The following PGM5 variants were observed in gnomAD, a reference collection of about 807,000 sequenced individuals.
PGM5 encodes the protein phosphoglucomutase-like protein 5.
PGM5 carries 23 observed loss-of-function variants against 59.2 expected under a neutral mutation model. The observed-to-expected ratio is 0.39, with a 90% CI of 0.28 to 0.55. The LOEUF is 0.55. PGM5 is among the 20% of genes least tolerant of loss of function. PGM5 has a pLI of 0.66. For missense variants in PGM5, 574 were observed against 748.3 expected (o/e 0.77, Z 2.72); for synonymous variants, 214 against 286.0 (o/e 0.75, Z 2.54).
intron 10 of PGM5, among the ~76,000 whole-genome samples, chr9:68,526,188 A>G (rs557514589): frequency 3.9e-5 from 6 of 152,342 alleles, no homozygotes; most frequent in Admixed American, 2.6e-4. Context: ...TACAAAATCT[A>G]AAGAAGTTCT....
intron 7 of PGM5, among the ~76,000 whole-genome samples, chr9:68,470,022 T>C (rs1823996236): frequency 6.6e-6 from 1 of 152,182 alleles, no homozygotes; most frequent in East Asian, 1.9e-4. Context: ...ATGTTATGAA[T>C]GATAACAAAA....
chr9:68,394,088 A>T (rs1427177038), intron 6 of PGM5: 2 of 152,070 alleles, frequency 1.3e-5, no homozygotes, highest in African/African-American at 4.8e-5. Context: ...AAATTATTAC[A>T]ATGTTACTGT....
chr9:68,453,346 G>C (rs559016850), intron 6 of PGM5, among the ~76,000 whole-genome samples: 5 of 152,080 alleles, frequency 3.3e-5, no homozygotes, highest in African/African-American at 1.2e-4. Flanking sequence ...TTTCTGGTTT[G>C]GTTTTGTTTT....
intron 10 of PGM5, among the ~76,000 whole-genome samples, chr9:68,509,004 G>A (rs1320136624): frequency 6.6e-6 from 1 of 152,244 alleles, no homozygotes; most frequent in Non-Finnish European, 1.5e-5. Flanking sequence ...CTGGACTAGT[G>A]TGTGCAATTA....
chr9:68,477,823 T>C (rs1037312547), intron 7 of PGM5, among the ~76,000 whole-genome samples: 6 of 152,222 alleles, frequency 3.9e-5, no homozygotes, highest in Admixed American at 2.0e-4. Context: ...GGGGCTGTTA[T>C]TGTCCATAGA....
chr9:68,360,835 A>G (rs1354464878), intron 1 of PGM5, among the ~76,000 whole-genome samples: 2 of 148,184 alleles, frequency 1.3e-5, no homozygotes, highest in African/African-American at 2.7e-5. Flanking sequence ...TAGTTACGAA[A>G]TCATCTTTTC....
intron 10 of PGM5, among the ~76,000 whole-genome samples, chr9:68,510,444 C>T (rs148917302): frequency 6.6e-6 from 1 of 152,242 alleles, no homozygotes; most frequent in African/African-American, 2.4e-5. Flanking sequence ...AGCCACCGTG[C>T]CTGGCCGAAA....
intron 6 of PGM5, 122 bp from the exon 7 acceptor site, chr9:68,464,971 A>G: frequency 1.7e-6 from 1 of 600,972 alleles, no homozygotes. Context: ...TGTCAACACT[A>G]CCCAGGTTGT....
chr9:68,435,993 G>A (rs532267602), intron 6 of PGM5, among the ~76,000 whole-genome samples: 2 of 152,260 alleles, frequency 1.3e-5, no homozygotes, highest in South Asian at 4.1e-4. Flanking sequence ...CATCTGGCAT[G>A]GTGCTGGATG....
chr9:68,478,172 T>C (rs1372616597), intron 7 of PGM5, among the ~76,000 whole-genome samples: 3 of 152,220 alleles, frequency 2.0e-5, no homozygotes, highest in South Asian at 2.1e-4. Flanking sequence ...AACAGACAGA[T>C]ACCCAAATGG....
intron 6 of PGM5, among the ~76,000 whole-genome samples, chr9:68,418,640 A>G (rs1823075830): frequency 6.6e-6 from 1 of 151,770 alleles, no homozygotes; most frequent in Admixed American, 6.5e-5. Context: ...GCTGTTTGGC[A>G]GGACGACTTG....
intron 6 of PGM5, among the ~76,000 whole-genome samples, chr9:68,463,686 C>T (rs1554685610): frequency 6.6e-6 from 1 of 152,108 alleles, no homozygotes; most frequent in Non-Finnish European, 1.5e-5. Context: ...AGTATATACA[C>T]CTTTGTTACT....
chr9:68,424,020 C>T (rs1401000568), intron 6 of PGM5, among the ~76,000 whole-genome samples: 1 of 152,136 alleles, frequency 6.6e-6, no homozygotes, highest in Non-Finnish European at 1.5e-5. Flanking sequence ...AGTCTGTGGC[C>T]AATTTTCTTC....
intron 6 of PGM5, among the ~76,000 whole-genome samples, chr9:68,422,106 A>C (rs1554682384): frequency 5.9e-5 from 9 of 152,058 alleles, no homozygotes; most frequent in Non-Finnish European, 5.9e-5. Flanking sequence ...TAAAAAAAAA[A>C]ATTTAGAAGC....
intron 6 of PGM5, among the ~76,000 whole-genome samples, chr9:68,446,905 T>A (rs1294066887): frequency 6.6e-6 from 1 of 152,210 alleles, no homozygotes; most frequent in Non-Finnish European, 1.5e-5. Context: ...TCCACTCTTT[T>A]GCTTCATAAA....
Position 68,448,153 on chromosome 9 carries a change from C to A in PGM5, c.1044-16940C>A, listed in dbSNP as rs114383675. 3.0e-4 allele frequency among the ~76,000 whole-genome samples: 46 copies of A among 152,298 alleles called. 1 individual carries two copies. In the South Asian group the frequency reaches 7.9e-3, roughly 26 times the overall value. ...GTAGCTTCTAATCCTAGACTCACTT[C>A]CTTCTTTGAAATCCACCTTTTTGAA... On this transcript the variant is annotated intron_variant, in intron 6 of 10. Transcript: ENST00000396396.
chr9:68,416,281 C>T (rs1285417419), intron 6 of PGM5, among the ~76,000 whole-genome samples: 10 of 152,178 alleles, frequency 6.6e-5, no homozygotes, highest in African/African-American at 9.7e-5. Flanking sequence ...GTTGGGATTC[C>T]GGCAGTAGTG....
At chr9:68,369,928 T>A (rs572845534) in intron 1 of PGM5, among the ~76,000 whole-genome samples, 5 of 152,272 alleles carry the variant, frequency 3.3e-5, no homozygotes, top group African/African-American at 1.2e-4. Context: ...AGTTTGTTAT[T>A]TCTTGAAATT....
intron 10 of PGM5, among the ~76,000 whole-genome samples, chr9:68,502,634 C>G (rs782020474): frequency 2.0e-5 from 3 of 152,116 alleles, no homozygotes; most frequent in Admixed American, 6.5e-5. Flanking sequence ...TTGGGAGGGG[C>G]CTGATTTTCC....
Sources: gnomAD v4.1 joint callset for allele counts (sites outside exome capture counted in the v4.1 genomes callset) on GRCh38, gnomAD v4.1.1 for gene constraint, MANE v1.5 for transcripts, NCBI Gene and HGNC (gene_info 2026-07-23, HGNC 2026-07-21) for gene names.